The following PNKD variants were observed in gnomAD, a reference collection of about 807,000 sequenced individuals.
PNKD encodes the protein probable thioesterase PNKD.
PNKD carries 36 observed loss-of-function variants against 45.3 expected under a neutral mutation model. The ratio of observed to expected loss-of-function variants is 0.80; its 90% CI spans 0.61 to 1.05. The LOEUF (loss-of-function observed/expected upper bound fraction) is 1.05, where lower values mean the gene tolerates loss of function less well. PNKD is among the 50% of genes least tolerant of loss of function. The pLI, the probability that PNKD is intolerant of heterozygous loss-of-function variation, is 0.00. For missense variants in PNKD, 511 were observed against 506.6 expected (o/e 1.01, Z -0.08); for synonymous variants, 197 against 210.1 (o/e 0.94, Z 0.54).
chr2:218,277,947 C>T (rs764579398), intron 2 of PNKD: 1 of 1,614,198 alleles, frequency 6.2e-7, no homozygotes. Context: ...AAAGGGTCAG[C>T]AGAATGATGT....
chr2:218,319,256 C>A (rs1288329242), intron 2 of PNKD, among the ~76,000 whole-genome samples: 1 of 151,260 alleles, frequency 6.6e-6, no homozygotes, highest in Non-Finnish European at 1.5e-5. Context: ...CCTGGCCATG[C>A]ACAAATCTTT....
At chr2:218,290,707 C>T (rs1305342605) in intron 2 of PNKD, among the ~76,000 whole-genome samples, 1 of 152,226 alleles carries the variant, frequency 6.6e-6, no homozygotes, top group Non-Finnish European at 1.5e-5. Context: ...TTAATATCTC[C>T]CTTCCCACCA....
intron 2 of PNKD, among the ~76,000 whole-genome samples, chr2:218,291,309 CAG>C (rs1000176624): frequency 3.4e-4 from 52 of 152,166 alleles, no homozygotes; most frequent in Admixed American, 3.3e-3. Context: ...ACTGGAGAGA[CAG>C]AGAGAGGAGG....
chr2:218,305,802 G>A (rs1017698), intron 2 of PNKD, among the ~76,000 whole-genome samples: 81,231 of 151,942 alleles, frequency 0.53, 22,619 homozygotes, highest in South Asian at 0.64. Flanking sequence ...TGACCAGGCA[G>A]TGCAAATAAT....
At chr2:218,294,161 G>A (rs576914092) in intron 2 of PNKD, among the ~76,000 whole-genome samples, 41 of 152,194 alleles carry the variant, frequency 2.7e-4, no homozygotes, top group African/African-American at 9.4e-4. Context: ...ACCAGAGCAA[G>A]TACAGTTCTG....
rs145165199 is a variant in PNKD, at chr2:218,329,135, G to T, written c.237-10648G>T. On this transcript the variant is annotated intron_variant, in intron 2 of 9. Transcript: ENST00000273077. ...GAGGCAGGAGAATCGCTTCAAACTG[G>T]GAGGCAGAGGTTGCAGTGAGTGGAG... Among the ~76,000 whole-genome samples the T allele has an allele frequency of 5.4e-3, 824 of 152,306 alleles. 1 individual carries two copies. The highest frequency in any genetic ancestry group is 8.5e-3 in the Non-Finnish European group (576 of 68,024).
At chr2:218,286,167 C>A (rs554308911) in intron 2 of PNKD, among the ~76,000 whole-genome samples, 1 of 152,240 alleles carries the variant, frequency 6.6e-6, no homozygotes, top group South Asian at 2.1e-4. Context: ...TGAATTTTCC[C>A]AAAATACAGT....
Position 218,340,870 on chromosome 2 carries a change from G to C in PNKD, c.524+84G>C. 8.5e-7 allele frequency: 1 copy of C among 1,170,806 alleles called. No individual in the cohort carries two copies. Among genetic ancestry groups the C allele is most frequent in the East Asian group, 2.3e-5 (1 of 42,872 alleles). The allele number at this position is 1,170,806 out of a possible 1,614,324, so 72.5% of individuals were successfully genotyped here. A position where few individuals can be genotyped will look rare whatever the true frequency, so the allele number is the denominator to read the frequency against. On this transcript the variant is annotated intron_variant, in intron 5 of 9. Transcript: ENST00000273077. This position sits in a 1 kb window ranked among gnomAD's most constrained non-coding sequence, Gnocchi z 4.2. ...GGCCCATTGAGGACGGCCGGGGCCA[G>C]AGATCAAGAAGTCAGTACGGGCCGG...
chr2:218,300,241 G>A (rs1018918207), intron 2 of PNKD, among the ~76,000 whole-genome samples: 1 of 152,096 alleles, frequency 6.6e-6, no homozygotes, highest in Non-Finnish European at 1.5e-5. Context: ...GACTGATCTC[G>A]CTTTAAGTTC....
intron 2 of PNKD, among the ~76,000 whole-genome samples, chr2:218,303,574 CTTTTTTTTTTTT>C (rs59067154): frequency 9.8e-6 from 1 of 101,668 alleles, no homozygotes; most frequent in Non-Finnish European, 2.0e-5. Flanking sequence ...ACCTGCACTT[CTTTTTTTTTTTT>C]TTTTTTTTTG....
intron 2 of PNKD, chr2:218,279,035 C>T (rs1691569313): frequency 3.1e-6 from 5 of 1,614,020 alleles, no homozygotes; most frequent in Non-Finnish European, 4.2e-6. Context: ...AGCACACACT[C>T]ACTAGGACAC....
chr2:218,323,466 G>C (rs1486409893), intron 2 of PNKD: 1 of 1,504,680 alleles, frequency 6.6e-7, no homozygotes, highest in Admixed American at 2.1e-5. Context: ...GCGGGCTCGG[G>C]AGGCGGGCGC....
intron 2 of PNKD, chr2:218,272,793 T>C: frequency 6.2e-7 from 1 of 1,613,910 alleles, no homozygotes; most frequent in Non-Finnish European, 8.5e-7. Context: ...GGCTATTGAC[T>C]GTTAAGTCCT....
In PNKD at chr2:218,340,020, T is replaced by G. The variant is rs2106293111; in HGVS notation, c.353-9T>G. ...TGTTACCCCGCCCACAGCCCATCTC[T>G]GTCCCCAGGAGTGAAGGTGCTTCCC... On this transcript the variant is annotated splice_polypyrimidine_tract_variant and intron_variant, in intron 3 of 9. Transcript: ENST00000273077. The surrounding 1 kb of genome is among the most constrained non-coding windows in gnomAD (Gnocchi z 4.2). 1 of 1,594,738 alleles carries G rather than the reference T, an allele frequency of 6.3e-7. No individual in the cohort carries two copies. The highest frequency in any genetic ancestry group is 8.6e-7 in the Non-Finnish European group (1 of 1,162,566).
At chr2:218,277,656 GC>G in intron 2 of PNKD, 1 of 1,614,154 alleles carries the variant, frequency 6.2e-7, no homozygotes, top group Non-Finnish European at 8.5e-7. Context: ...CCGTCATGAA[GC>G]CCATGGCAAA....
intron 2 of PNKD, chr2:218,275,613 A>G: frequency 6.2e-7 from 1 of 1,611,242 alleles, no homozygotes; most frequent in Non-Finnish European, 8.5e-7. Flanking sequence ...GTGTGTCGTA[A>G]GCCAGGAACT....
intron 2 of PNKD, among the ~76,000 whole-genome samples, chr2:218,278,853 C>T (rs567458794): frequency 4.6e-5 from 7 of 152,198 alleles, no homozygotes; most frequent in Non-Finnish European, 7.3e-5. Flanking sequence ...CTCTTGCTCT[C>T]GAGTTCTAGG....
intron 2 of PNKD, chr2:218,286,722 G>A (rs886594510): frequency 6.6e-6 from 1 of 152,306 alleles, no homozygotes; most frequent in Admixed American, 6.5e-5. Context: ...TTAAGGCTCC[G>A]GAATCTGCAG....
chr2:218,276,269 A>AG (rs1245056548), intron 2 of PNKD, among the ~76,000 whole-genome samples: 1 of 152,216 alleles, frequency 6.6e-6, no homozygotes, highest in Non-Finnish European at 1.5e-5. Flanking sequence ...GAGAAAGCAG[A>AG]GGCCATCCTG....
Sources: gnomAD v4.1 joint callset for allele counts (sites outside exome capture counted in the v4.1 genomes callset) on GRCh38, gnomAD v4.1.1 for gene constraint, Gnocchi (gnomAD v3.1) non-coding constraint, MANE v1.5 for transcripts, NCBI Gene and HGNC (gene_info 2026-07-23, HGNC 2026-07-21) for gene names.